The following UPP1 variants were observed in gnomAD, a reference collection of about 807,000 sequenced individuals.
UPP1 encodes uridine phosphorylase 1.
In UPP1, 25 loss-of-function variants were observed where a neutral mutation model predicts 29.6. The ratio of observed to expected loss-of-function variants is 0.85; its 90% CI spans 0.62 to 1.18. The LOEUF (loss-of-function observed/expected upper bound fraction) is 1.18. Among genes scored for constraint, UPP1 ranks in the 50% most tolerant of loss-of-function variants. The pLI, the probability that UPP1 is intolerant of heterozygous loss-of-function variation, is 0.00. For missense variants in UPP1, 368 were observed against 410.4 expected, an observed-to-expected ratio of 0.90 and a Z score of 0.89; for synonymous variants, 165 against 159.8, an observed-to-expected ratio of 1.03 and a Z score of -0.25.
chr7:48,099,862 C>A, intron 4 of UPP1, 75 bp downstream of exon 4: 1 of 954,768 alleles, frequency 1.0e-6, no homozygotes, highest in Non-Finnish European at 1.7e-6. Flanking sequence ...GGTAGACCAA[C>A]CCACAAATGC....
At chr7:48,097,383 G>A (rs180837117) in intron 3 of UPP1, among the ~76,000 whole-genome samples, 8 of 152,200 alleles carry the variant, frequency 5.3e-5, no homozygotes, top group Admixed American at 4.6e-4. Context: ...ATAGGTGCAT[G>A]CCACCATGCC....
chr7:48,101,798 T>TG, intron 4 of UPP1, 26 bp from the exon 5 acceptor site: 2 of 1,610,596 alleles, frequency 1.2e-6, no homozygotes, highest in Non-Finnish European at 1.7e-6. Flanking sequence ...AGTGCACTAA[T>TG]GGGGGTCTCT....
chr7:48,099,284 A>G (rs113978982), intron 3 of UPP1, among the ~76,000 whole-genome samples: 1,739 of 152,328 alleles, frequency 0.011, 31 homozygotes, highest in African/African-American at 0.039. Context: ...CATATTTCCT[A>G]TGGTAAACAT....
rs1053225522 is a variant in UPP1 at position 48,104,007 on chromosome 7, C to T, written c.436+596C>T. ...GGCCGAGGCGGGCGGATCACAAGAT[C>T]GGGAGATCGAGACCATCCTGGCCAA... On this transcript the variant is annotated intron_variant, in intron 6 of 8. Coordinates refer to ENST00000395564, the MANE Select transcript of UPP1 (RefSeq NM_003364.4). The T allele has an allele frequency of 5.8e-6, 5 of 864,792 alleles. No individual in the cohort carries two copies. In the Admixed American group the frequency reaches 1.1e-4, roughly 18 times the overall value. The allele number at this position is 864,792 out of a possible 1,614,324, so 53.6% of individuals were successfully genotyped here.
chr7:48,094,212 T>G (rs1338634055), intron 2 of UPP1, among the ~76,000 whole-genome samples: 2 of 152,148 alleles, frequency 1.3e-5, no homozygotes, highest in African/African-American at 2.4e-5. Context: ...GAGTCTTGAC[T>G]TGCTGAGCTG....
At chr7:48,099,909 A>G in intron 4 of UPP1, 122 bp downstream of exon 4, 1 of 700,844 alleles carries the variant, frequency 1.4e-6, no homozygotes, top group Non-Finnish European at 2.4e-6. Context: ...TGAAGACATA[A>G]TGTTTACCAA....
intron 2 of UPP1, among the ~76,000 whole-genome samples, chr7:48,091,043 C>T (rs1208790209): frequency 1.3e-5 from 2 of 151,980 alleles, no homozygotes; most frequent in Non-Finnish European, 2.9e-5. Flanking sequence ...AACAAAAAAA[C>T]CCAAAAACCA....
intron 2 of UPP1, 47 bp from the exon 3 acceptor site, chr7:48,094,716 G>A: frequency 6.3e-7 from 1 of 1,586,018 alleles, no homozygotes; most frequent in Non-Finnish European, 8.7e-7. Context: ...CACGATCTTG[G>A]TTTCTACTGA....
chr7:48,101,898 C>T lies in UPP1; in HGVS notation c.237C>T (p.Asp79=), dbSNP rs1452769239. The T allele has an allele frequency of 6.2e-7, 1 of 1,614,072 alleles. No individual in the cohort carries two copies. Among genetic ancestry groups the T allele is most frequent in the South Asian group, 1.1e-5 (1 of 91,082 alleles). Residue 79 remains aspartate, a synonymous_variant, in exon 5 of 9, where the codon GAC becomes GAT. Coordinates refer to ENST00000395564, the MANE Select transcript of UPP1 (RefSeq NM_003364.4). ...IRCVGAELGL[D]CPGRDYPNIC... ...GCGTTGGTGCAGAGCTGGGCCTTGA[C>T]TGCCCAGGTAGAGACTATCCCAACA... is the stretch of plus-strand genomic sequence containing the variant.
intron 3 of UPP1, among the ~76,000 whole-genome samples, chr7:48,099,403 G>T (rs576450894): frequency 1.8e-4 from 27 of 152,264 alleles, no homozygotes; most frequent in African/African-American, 6.5e-4. Context: ...TTCCATCTGT[G>T]TACTTTCGTG....
chr7:48,101,777 C>T lies in UPP1; in HGVS notation c.163-47C>T, dbSNP rs367550440. ...GTCTAGGGGCCCCACTTGAGGACCTCTGCTATAGACAGTGCACTAATGGGG... is the reference window on the plus strand; with the variant it reads ...GTCTAGGGGCCCCACTTGAGGACCTTTGCTATAGACAGTGCACTAATGGGG... On this transcript the variant is annotated intron_variant, in intron 4 of 8. Coordinates refer to ENST00000395564, the MANE Select transcript of UPP1 (RefSeq NM_003364.4). 7.9e-5 allele frequency: 125 copies of T among 1,576,286 alleles called. 1 individual carries two copies. Among genetic ancestry groups the T allele is most frequent in the Non-Finnish European group, 1.1e-4 (122 of 1,161,546 alleles).
intron 6 of UPP1, 144 bp from the exon 7 acceptor site, chr7:48,106,729 A>C: frequency 4.3e-6 from 3 of 693,058 alleles, no homozygotes; most frequent in African/African-American, 1.8e-5. Context: ...GTATTTGAGA[A>C]CAGTACTGGA....
rs113456503 is a variant in UPP1 at position 48,095,648 on chromosome 7, A to AT, written c.44+833dup. 4.1e-3 allele frequency among the ~76,000 whole-genome samples: 603 copies of AT among 145,892 alleles called. 4 individuals carry two copies. Among genetic ancestry groups the AT allele is most frequent in the African/African-American group, 0.013 (507 of 39,938 alleles). ...GTGCCTGTGGACATTCCCTGCAGTG[A>AT]TTTTTTTTTTTTGAGATGGAGTTTT... On this transcript the variant is annotated intron_variant, in intron 3 of 8. Transcript: ENST00000395564.
chr7:48,094,603 C>G (rs753562169), intron 2 of UPP1, among the ~76,000 whole-genome samples, 160 bp from the exon 3 acceptor site: 13 of 152,186 alleles, frequency 8.5e-5, no homozygotes, highest in Non-Finnish European at 1.3e-4. Context: ...ACACACTCTC[C>G]TCTCTCTCTG....
At chr7:48,091,056 A>T (rs748618489) in intron 2 of UPP1, among the ~76,000 whole-genome samples, 6 of 152,232 alleles carry the variant, frequency 3.9e-5, no homozygotes, top group Admixed American at 2.0e-4. Context: ...AAAAACCAAA[A>T]ATCAAATATA....
intron 5 of UPP1, 48 bp downstream of exon 5, chr7:48,102,030 C>G (rs1792455185): frequency 3.2e-6 from 5 of 1,585,788 alleles, no homozygotes; most frequent in South Asian, 1.2e-5. Flanking sequence ...TCTGCAACCC[C>G]CTGTGCCCCA....
chr7:48,094,936 A>G (rs1381415938), intron 3 of UPP1, 109 bp downstream of exon 3: 4 of 1,308,976 alleles, frequency 3.1e-6, no homozygotes, highest in Non-Finnish European at 4.3e-6. Flanking sequence ...AACACATTTG[A>G]TGCTTGTGAA....
At chr7:48,096,584 C>T (rs1293530206) in intron 3 of UPP1, among the ~76,000 whole-genome samples, 1 of 152,160 alleles carries the variant, frequency 6.6e-6, no homozygotes, top group African/African-American at 2.4e-5. Flanking sequence ...TTCTTGTCTC[C>T]ACATGTGCTG....
chr7:48,096,495 G>T (rs112969397), intron 3 of UPP1, among the ~76,000 whole-genome samples: 4,179 of 152,218 alleles, frequency 0.027, 193 homozygotes, highest in African/African-American at 0.095. Flanking sequence ...GTTGCGAGAT[G>T]CAGCCAGCAT....
Sources: allele counts gnomAD v4.1 joint callset (sites outside exome capture counted in the v4.1 genomes callset), GRCh38; gene constraint gnomAD v4.1.1; transcripts MANE v1.5; gene names NCBI Gene and HGNC (gene_info 2026-07-23, HGNC 2026-07-21).